Variants in TRDN observed in about 807,000 individuals in gnomAD.
TRDN encodes triadin, also known as triadin in skeletal muscle.
Under a neutral mutation model 149.7 loss-of-function variants are expected in TRDN, and 161 were observed. That is an observed-to-expected ratio of 1.08 (90% CI 0.95 to 1.23). TRDN has a LOEUF of 1.23. TRDN is among the 50% of genes most tolerant of loss of function. The pLI is 0.00. For synonymous variants in TRDN, 294 were observed against 250.5 expected (o/e 1.17, Z -1.64); for missense variants, 896 against 823.5 (o/e 1.09, Z -1.08).
At chr6:123,300,878 A>G (rs570423174) in intron 24 of TRDN, among the ~76,000 whole-genome samples, 1 of 151,662 alleles carries the variant, frequency 6.6e-6, no homozygotes, top group South Asian at 2.1e-4. Flanking sequence ...ATATCTTACC[A>G]TTATGTCCAT....
At chr6:123,566,011 T>G (rs1782277192) in intron 2 of TRDN, among the ~76,000 whole-genome samples, 1 of 152,240 alleles carries the variant, frequency 6.6e-6, no homozygotes, top group African/African-American at 2.4e-5. Flanking sequence ...CTTACATAGA[T>G]TAATCAGCTA....
In TRDN at chr6:123,252,440, A is replaced by G. The variant is rs780537847; in HGVS notation, c.1952-5T>C. On this transcript the variant is annotated splice_region_variant and splice_polypyrimidine_tract_variant and intron_variant, in intron 37 of 40. Transcript: ENST00000334268. ...ATACTCTTGCAGGTTTTTCTGCTAA[A>G]AAGAGAAAATAAATAAGTTTTGTTT... 8 of 1,504,362 alleles carry G rather than the reference A, an allele frequency of 5.3e-6. No homozygotes were observed. The highest frequency in any genetic ancestry group is 7.3e-6 in the Non-Finnish European group (8 of 1,101,320). 93.2% of individuals were successfully genotyped at this position (1,504,362 alleles called of 1,614,324 possible). A position where few individuals can be genotyped will look rare whatever the true frequency, so the allele number is the denominator to read the frequency against.
chr6:123,502,875 G>A (rs1778758117), intron 8 of TRDN: 6 of 985,104 alleles, frequency 6.1e-6, no homozygotes, highest in Admixed American at 6.2e-5. Flanking sequence ...AGGAGTCTCA[G>A]GATTATACAG....
chr6:123,565,586 C>G (rs1426462912), intron 2 of TRDN, among the ~76,000 whole-genome samples: 1 of 152,140 alleles, frequency 6.6e-6, no homozygotes, highest in Admixed American at 6.5e-5. Flanking sequence ...CAGTTGGAAA[C>G]AAGACATTTT....
intron 23 of TRDN, among the ~76,000 whole-genome samples, chr6:123,326,067 G>T (rs926437895): frequency 6.6e-6 from 1 of 152,062 alleles, no homozygotes; most frequent in Non-Finnish European, 1.5e-5. Context: ...CAAGTTTGTT[G>T]GTAGTACTCA....
At chr6:123,618,478 C>G (rs898111605) in intron 1 of TRDN, among the ~76,000 whole-genome samples, 5 of 152,172 alleles carry the variant, frequency 3.3e-5, no homozygotes, top group Non-Finnish European at 7.3e-5. Context: ...TCAGGGTCCT[C>G]TCTCCCGCTC....
At chr6:123,387,053 A>G (rs10872265) in intron 14 of TRDN, among the ~76,000 whole-genome samples, 55,906 of 151,986 alleles carry the variant, frequency 0.37, 10,736 homozygotes, top group Middle Eastern at 0.43. Context: ...CATTCAGTGT[A>G]CTCTACAGAG....
At chr6:123,241,668 C>T (rs929235418) in intron 38 of TRDN, among the ~76,000 whole-genome samples, 2 of 151,826 alleles carry the variant, frequency 1.3e-5, no homozygotes. Flanking sequence ...ACTTTTCTAG[C>T]AGGCTTGGTT....
intron 9 of TRDN, among the ~76,000 whole-genome samples, chr6:123,491,063 A>G (rs950808619): frequency 2.0e-5 from 3 of 151,340 alleles, no homozygotes; most frequent in African/African-American, 7.3e-5. Flanking sequence ...CCGAGATGGC[A>G]CCACTGCACT....
chr6:123,565,086 C>T (rs4897302), intron 2 of TRDN, among the ~76,000 whole-genome samples: 55,713 of 151,946 alleles, frequency 0.37, 11,639 homozygotes, highest in East Asian at 0.83. Context: ...GATTGTTTAG[C>T]GAGAAAGTTG....
rs146881220 is a variant in TRDN, at chr6:123,380,305, A to G, written c.1186+1065T>C. On this transcript the variant is annotated intron_variant, in intron 16 of 40. Coordinates refer to ENST00000334268, the MANE Select transcript of TRDN (RefSeq NM_006073.4). ...ACTTTTAAATCTTATAAACTGTAAT[A>G]AAGGGCCTTAAGGCTATCTCTATAT... is the stretch of plus-strand genomic sequence containing the variant. Among the ~76,000 whole-genome samples, 500 of 152,290 alleles carry G rather than the reference A, an allele frequency of 3.3e-3. 1 individual carries two copies. Among genetic ancestry groups the G allele is most frequent in the Admixed American group, 4.2e-3 (64 of 15,280 alleles).
At chr6:123,363,152 A>C (rs1780963000) in intron 20 of TRDN, among the ~76,000 whole-genome samples, 1 of 152,216 alleles carries the variant, frequency 6.6e-6, no homozygotes, top group Admixed American at 6.5e-5. Context: ...TTCCTAGTTT[A>C]AGCCTCAATT....
At chr6:123,428,232 AT>A (rs1774203193) in intron 12 of TRDN, among the ~76,000 whole-genome samples, 1 of 152,140 alleles carries the variant, frequency 6.6e-6, no homozygotes. Flanking sequence ...AAATAAACCA[AT>A]CAGATTATTC....
At chr6:123,502,948 C>T (rs775478610) in intron 8 of TRDN, 26 of 985,090 alleles carry the variant, frequency 2.6e-5, no homozygotes, top group South Asian at 1.9e-4. Flanking sequence ...AGATGTGGTA[C>T]GATAAGACCC....
At chr6:123,300,590 A>C (rs1329493694) in intron 24 of TRDN, among the ~76,000 whole-genome samples, 1 of 151,910 alleles carries the variant, frequency 6.6e-6, no homozygotes, top group East Asian at 1.9e-4. Flanking sequence ...ACTATACTTG[A>C]TTGACTAAAT....
At chr6:123,252,607 T>C (rs1391135398) in intron 37 of TRDN, among the ~76,000 whole-genome samples, 172 bp from the exon 38 acceptor site, 1 of 152,100 alleles carries the variant, frequency 6.6e-6, no homozygotes, top group Non-Finnish European at 1.5e-5. Flanking sequence ...TGTTTTGTTA[T>C]AATTTTTAAT....
At chr6:123,574,780 T>G (rs758753815) in intron 1 of TRDN, among the ~76,000 whole-genome samples, 5 of 149,578 alleles carry the variant, frequency 3.3e-5, no homozygotes, top group Non-Finnish European at 5.9e-5. Flanking sequence ...TTTACTGAGA[T>G]TTGATATGAA....
intron 1 of TRDN, among the ~76,000 whole-genome samples, chr6:123,589,682 A>G (rs557766779): frequency 6.6e-6 from 1 of 152,268 alleles, no homozygotes; most frequent in African/African-American, 2.4e-5. Flanking sequence ...ATTCTATTTT[A>G]TTACCTGTAA....
At chr6:123,391,731 C>T (rs909431612) in intron 13 of TRDN, among the ~76,000 whole-genome samples, 1 of 151,780 alleles carries the variant, frequency 6.6e-6, no homozygotes, top group African/African-American at 2.4e-5. Flanking sequence ...TTAATATGTC[C>T]TTTGTTGTAA....
Sources: allele counts gnomAD v4.1 joint callset (sites outside exome capture counted in the v4.1 genomes callset), GRCh38; gene constraint gnomAD v4.1.1; transcripts MANE v1.5; gene names NCBI Gene and HGNC (gene_info 2026-07-23, HGNC 2026-07-21).